COL24A1: variants seen among roughly 807,000 people sequenced by gnomAD.
COL24A1 encodes collagen alpha-1(XXIV) chain.
A neutral mutation model predicts 253.9 loss-of-function variants in COL24A1; 224 were observed. The observed-to-expected ratio is 0.88, with a 90% CI of 0.79 to 0.99. COL24A1 has a LOEUF of 0.99. Among genes scored for constraint, COL24A1 ranks in the 50% least tolerant of loss-of-function variants. The probability of loss-of-function intolerance (pLI) is 0.00; values close to 1 mark genes in which losing one functional copy is unlikely to be tolerated. For missense variants in COL24A1, 2,131 were observed against 2,068.5 expected, an observed-to-expected ratio of 1.03 and a Z score of -0.59; for synonymous variants, 685 against 673.7, an observed-to-expected ratio of 1.02 and a Z score of -0.26.
intron 47 of COL24A1, among the ~76,000 whole-genome samples, chr1:85,790,633 CAT>C (rs542340651): frequency 1.2e-3 from 165 of 132,788 alleles, no homozygotes; most frequent in African/African-American, 4.1e-3. Flanking sequence ...TCAAGTGGAA[CAT>C]ATATTACTGT....
chr1:85,813,323 C>A (rs920233544), intron 47 of COL24A1, among the ~76,000 whole-genome samples: 2 of 150,426 alleles, frequency 1.3e-5, no homozygotes, highest in Admixed American at 1.3e-4. Flanking sequence ...TAGGTCCATG[C>A]AAAAACTGAA....
intron 10 of COL24A1, among the ~76,000 whole-genome samples, chr1:86,050,947 G>A (rs568670088): frequency 2.6e-5 from 4 of 152,142 alleles, no homozygotes; most frequent in Non-Finnish European, 4.4e-5. Flanking sequence ...ATTAAGGAGA[G>A]TCTTAAATTT....
chr1:85,886,356 G>A lies in COL24A1; in HGVS notation c.2976+3204C>T, dbSNP rs190963089. Among the ~76,000 whole-genome samples, 5 of 150,054 alleles carry A rather than the reference G, an allele frequency of 3.3e-5. No individual in the cohort carries two copies. The East Asian group carries it at 6.3e-4, about 19-fold the overall frequency. On this transcript the variant is annotated intron_variant, in intron 32 of 59. Coordinates refer to ENST00000370571, the MANE Select transcript of COL24A1 (RefSeq NM_152890.7). ...GAGCCACCGTGCTTGGCCCCCATGC[G>A]ATGATTTTTAAAGAATCAAAAATGG...
rs568227714 is a variant in COL24A1, at chr1:85,757,434, T to G, written c.4437+3962A>C. On this transcript the variant is annotated intron_variant, in intron 55 of 59. Transcript: ENST00000370571. ...ACAGGATATTCTTAGTTGGCAACACTATGATTTTCTGTGTGTGGCAGTAAA... is the reference window on the plus strand; with the variant it reads ...ACAGGATATTCTTAGTTGGCAACACGATGATTTTCTGTGTGTGGCAGTAAA... Among the ~76,000 whole-genome samples the G allele has an allele frequency of 2.0e-5, 3 of 152,318 alleles. No individual in the cohort carries two copies. In the South Asian group the frequency reaches 6.2e-4, roughly 32 times the overall value.
At chr1:86,137,578 T>C (rs1481506030) in intron 2 of COL24A1, among the ~76,000 whole-genome samples, 1 of 152,168 alleles carries the variant, frequency 6.6e-6, no homozygotes, top group Non-Finnish European at 1.5e-5. Context: ...CAGAACTGAC[T>C]GTATCTCCTT....
chr1:86,120,605 C>T (rs1315867525), intron 3 of COL24A1, among the ~76,000 whole-genome samples: 1 of 152,144 alleles, frequency 6.6e-6, no homozygotes, highest in Admixed American at 6.5e-5. Context: ...CCATCTCACA[C>T]CAGTTAGAAT....
At chr1:85,978,414 G>C (rs1343568883) in intron 20 of COL24A1, among the ~76,000 whole-genome samples, 1 of 151,890 alleles carries the variant, frequency 6.6e-6, no homozygotes, top group African/African-American at 2.4e-5. Context: ...TAGCCTAAAT[G>C]CTCCACTTAT....
At chr1:86,064,735 C>T (rs999703585) in intron 7 of COL24A1, among the ~76,000 whole-genome samples, 6 of 152,048 alleles carry the variant, frequency 3.9e-5, no homozygotes, top group African/African-American at 1.4e-4. Flanking sequence ...GTATTAATCA[C>T]TGAGGGTTTA....
Position 86,112,632 on chromosome 1 carries a change from G to A in COL24A1, c.1546-12C>T, listed in dbSNP as rs1160096923. ...GGCCCTGGTATGCCCTGCAAGTAAC[G>A]AAAAAAGTCATCATTCTTGGAACAT... On this transcript the variant is annotated splice_polypyrimidine_tract_variant and intron_variant, in intron 4 of 59. Coordinates refer to ENST00000370571, the MANE Select transcript of COL24A1 (RefSeq NM_152890.7). 2.7e-5 allele frequency: 44 copies of A among 1,610,268 alleles called. No homozygotes were observed. The highest frequency in any genetic ancestry group is 3.4e-5 in the Non-Finnish European group (40 of 1,177,988).
chr1:85,926,152 G>A (rs988692813), intron 24 of COL24A1, among the ~76,000 whole-genome samples: 2 of 152,106 alleles, frequency 1.3e-5, no homozygotes, highest in African/African-American at 4.8e-5. Flanking sequence ...TTAGAATGGC[G>A]ATCATTAAAA....
chr1:86,142,749 A>G (rs1651341561), intron 2 of COL24A1, among the ~76,000 whole-genome samples: 1 of 152,102 alleles, frequency 6.6e-6, no homozygotes, highest in Non-Finnish European at 1.5e-5. Context: ...TATCAGGAAG[A>G]AAAACATAAC....
chr1:85,943,958 A>G (rs1458470923), intron 24 of COL24A1, among the ~76,000 whole-genome samples: 1 of 152,240 alleles, frequency 6.6e-6, no homozygotes, highest in African/African-American at 2.4e-5. Context: ...ATGAAAGTGC[A>G]TTGTCACAAT....
chr1:85,981,986 TATTCACAATAGCCAAGAGGTGTCAAC>T (rs1294873014), intron 20 of COL24A1, among the ~76,000 whole-genome samples: 2 of 152,290 alleles, frequency 1.3e-5, no homozygotes, highest in Middle Eastern at 3.4e-3. Flanking sequence ...ATTGCAGCTT[TATTCACAATAGCCAAGAGGTGTCAAC>T]AACCCAAATG....
At chr1:85,970,002 C>T (rs78129404) in intron 22 of COL24A1, among the ~76,000 whole-genome samples, 2,813 of 152,214 alleles carry the variant, frequency 0.018, 86 homozygotes, top group African/African-American at 0.063. Context: ...ACTAAGTCTA[C>T]AGACCACTGA....
At chr1:86,082,231 T>A (rs149626533) in intron 7 of COL24A1, among the ~76,000 whole-genome samples, 1 of 152,206 alleles carries the variant, frequency 6.6e-6, no homozygotes, top group Non-Finnish European at 1.5e-5. Flanking sequence ...TACATAATAA[T>A]ATACTCTACA....
intron 37 of COL24A1, among the ~76,000 whole-genome samples, chr1:85,857,415 G>T (rs1389529703): frequency 6.8e-6 from 1 of 146,588 alleles, no homozygotes; most frequent in African/African-American, 2.5e-5. Context: ...AGAAATTAGT[G>T]GGACCTGATG....
chr1:85,969,164 T>G (rs993410213), intron 22 of COL24A1, among the ~76,000 whole-genome samples: 4 of 152,182 alleles, frequency 2.6e-5, no homozygotes, highest in Non-Finnish European at 5.9e-5. Flanking sequence ...TGGGCTCAAA[T>G]ACCAGTTTTT....
rs1678226272 is a variant in COL24A1 at position 85,854,713 on chromosome 1, T to G, written c.3301-5307A>C. 2.7e-5 allele frequency among the ~76,000 whole-genome samples: 4 copies of G among 149,888 alleles called. No homozygotes were observed. The South Asian group carries it at 8.4e-4, about 31-fold the overall frequency. On this transcript the variant is annotated intron_variant, in intron 37 of 59. Coordinates refer to ENST00000370571, the MANE Select transcript of COL24A1 (RefSeq NM_152890.7). ...GGTTACTGTATTCCTAGGTTTTTGT[T>G]TTTTTTTTTTGAGATAAAGTCTCGC... is the stretch of plus-strand genomic sequence containing the variant.
At chr1:85,919,610 T>C (rs893229402) in intron 24 of COL24A1, among the ~76,000 whole-genome samples, 1 of 151,904 alleles carries the variant, frequency 6.6e-6, no homozygotes, top group Non-Finnish European at 1.5e-5. Flanking sequence ...AGCCCAGGAG[T>C]TGGAGGCTGC....
Sources: gnomAD v4.1 joint callset for allele counts (sites outside exome capture counted in the v4.1 genomes callset) on GRCh38, gnomAD v4.1.1 for gene constraint, MANE v1.5 for transcripts, NCBI Gene and HGNC (gene_info 2026-07-23, HGNC 2026-07-21) for gene names.